The following GPR160 variants were observed in gnomAD, a reference collection of about 807,000 sequenced individuals.
GPR160 encodes the protein G protein-coupled receptor 160.
Under a neutral mutation model 2.6 loss-of-function variants are expected in GPR160, and 2 were observed. The observed-to-expected ratio is 0.77, with a 90% CI of 0.32 to 2.44. The LOEUF is 2.44. Ranked by LOEUF, GPR160 falls within the 30% of genes most tolerant of loss-of-function variation. The pLI, the probability that GPR160 is intolerant of heterozygous loss-of-function variation, is 0.11. For synonymous variants in GPR160, 130 were observed against 132.2 expected, an observed-to-expected ratio of 0.98 and a Z score of 0.12; for missense variants, 351 against 383.6, an observed-to-expected ratio of 0.91 and a Z score of 0.71.
At chr3:170,062,335 C>T (rs1712005480) in intron 2 of GPR160, 1 of 272,060 alleles carries the variant, frequency 3.7e-6, no homozygotes, top group Admixed American at 4.9e-5. Flanking sequence ...CAGAGGGGTC[C>T]AGGGAGGCGC....
At chr3:170,047,589 C>T (rs965859122) in intron 2 of GPR160, among the ~76,000 whole-genome samples, 3 of 152,032 alleles carry the variant, frequency 2.0e-5, no homozygotes, top group East Asian at 1.9e-4. Context: ...ATCAAAAAGA[C>T]ACCTGCATGC....
intron 2 of GPR160, among the ~76,000 whole-genome samples, chr3:170,047,513 A>G (rs2108311836): frequency 6.6e-6 from 1 of 152,296 alleles, no homozygotes; most frequent in South Asian, 2.1e-4. Flanking sequence ...TTTATAAACA[A>G]TTCATTTTAT....
At chr3:170,076,700 C>A (rs140248486) in intron 2 of GPR160, among the ~76,000 whole-genome samples, 2,619 of 152,082 alleles carry the variant, frequency 0.017, 76 homozygotes, top group East Asian at 0.094. Context: ...CCCGCCACCA[C>A]GCCTGGCTAA....
chr3:170,066,375 A>G (rs1712346474), intron 2 of GPR160, among the ~76,000 whole-genome samples: 1 of 151,664 alleles, frequency 6.6e-6, no homozygotes, highest in African/African-American at 2.4e-5. Flanking sequence ...TCCTGACCTC[A>G]TGATTCGCCC....
chr3:170,062,658 CCAAG>C, intron 2 of GPR160: 1 of 1,437,132 alleles, frequency 7.0e-7, no homozygotes, highest in Non-Finnish European at 9.7e-7. Flanking sequence ...GCAGCCATCG[CCAAG>C]CAAGCCTTGA....
At position 170,085,309 on chromosome 3, in the gene GPR160, A is replaced by C. The variant is rs567394442; in HGVS notation, c.*320A>C. On this transcript the variant is annotated 3_prime_UTR_variant, in exon 4 of 4. Coordinates refer to ENST00000355897, the MANE Select transcript of GPR160 (RefSeq NM_014373.3). The stretch of plus-strand genomic sequence containing the variant: ...GTTACTCAAAAAAACTACTGGATGC[A>C]AACTGTTATGTAAATCTGAGATTTC... 1 of 182,776 alleles carries C rather than the reference A, an allele frequency of 5.5e-6. No homozygotes were observed. The highest frequency in any genetic ancestry group is 1.3e-5 in the Non-Finnish European group (1 of 79,138). 11.3% of individuals were successfully genotyped at this position (182,776 alleles called of 1,614,324 possible). A position where few individuals can be genotyped will look rare whatever the true frequency, so the allele number is the denominator to read the frequency against.
At chr3:170,072,282 C>G (rs1712635196) in intron 2 of GPR160, among the ~76,000 whole-genome samples, 1 of 151,948 alleles carries the variant, frequency 6.6e-6, no homozygotes, top group African/African-American at 2.4e-5. Context: ...ACCAGTTTGG[C>G]CAGGCTTGTC....
At chr3:170,070,372 G>C (rs1463128618) in intron 2 of GPR160, among the ~76,000 whole-genome samples, 2 of 152,074 alleles carry the variant, frequency 1.3e-5, no homozygotes, top group Non-Finnish European at 2.9e-5. Flanking sequence ...AGGTTTGGTC[G>C]GGTTCTAATT....
chr3:170,064,370 A>G (rs1670022454), intron 2 of GPR160, among the ~76,000 whole-genome samples: 1 of 152,082 alleles, frequency 6.6e-6, no homozygotes, highest in Non-Finnish European at 1.5e-5. Flanking sequence ...CCAGCCTCAG[A>G]GAAAGGCGCC....
intron 2 of GPR160, among the ~76,000 whole-genome samples, chr3:170,074,503 A>G (rs947628663): frequency 2.6e-5 from 4 of 151,552 alleles, no homozygotes; most frequent in Admixed American, 1.3e-4. Context: ...TTTATTTGAG[A>G]CAGGGTCTTC....
At chr3:170,062,110 A>T (rs1711989627) in intron 2 of GPR160, 2 of 152,344 alleles carry the variant, frequency 1.3e-5, no homozygotes, top group Admixed American at 1.3e-4. Context: ...TGTGTCACTA[A>T]AAAGAAAATT....
chr3:170,069,664 C>T (rs1712498543), intron 2 of GPR160, among the ~76,000 whole-genome samples: 1 of 152,116 alleles, frequency 6.6e-6, no homozygotes, highest in Non-Finnish European at 1.5e-5. Flanking sequence ...GTCGATCCTG[C>T]CCCATCTATA....
chr3:170,063,260 G>A (rs1322011997), intron 2 of GPR160: 4 of 151,878 alleles, frequency 2.6e-5, no homozygotes, highest in East Asian at 1.9e-4. Flanking sequence ...CAGGCCAGGC[G>A]CGGTGGCTCA....
intron 2 of GPR160, among the ~76,000 whole-genome samples, chr3:170,051,910 T>C (rs1183412438): frequency 1.3e-5 from 2 of 152,166 alleles, no homozygotes; most frequent in African/African-American, 4.8e-5. Flanking sequence ...CTGAACCTTA[T>C]ACAAGTCTTG....
intron 2 of GPR160, chr3:170,077,906 G>T: frequency 6.0e-6 from 1 of 167,152 alleles, no homozygotes; most frequent in African/African-American, 2.4e-5. Flanking sequence ...GATCGCGACG[G>T]AACCCTCGAA....
intron 2 of GPR160, among the ~76,000 whole-genome samples, chr3:170,064,518 T>C (rs1450820470): frequency 1.1e-4 from 14 of 124,330 alleles, no homozygotes; most frequent in African/African-American, 1.8e-4. Flanking sequence ...TCTTTTCTTT[T>C]TTTTTTTTTT....
intron 2 of GPR160, among the ~76,000 whole-genome samples, chr3:170,057,057 A>G (rs1372307787): frequency 6.6e-6 from 1 of 152,242 alleles, no homozygotes; most frequent in African/African-American, 2.4e-5. Flanking sequence ...TACCGGAGCC[A>G]CAGGAGAGCA....
At chr3:170,044,253 G>A (rs1455264386) in intron 2 of GPR160, among the ~76,000 whole-genome samples, 2 of 150,096 alleles carry the variant, frequency 1.3e-5, no homozygotes, top group Non-Finnish European at 2.9e-5. Context: ...GAACTCAGGG[G>A]GCGGAGGTTG....
chr3:170,079,262 C>T (rs971877750), intron 2 of GPR160, among the ~76,000 whole-genome samples: 19 of 152,170 alleles, frequency 1.2e-4, no homozygotes, highest in Admixed American at 1.0e-3. Context: ...ATCCGTTGCT[C>T]GACTAGGGTC....
Sources: gnomAD v4.1 joint callset for allele counts (sites outside exome capture counted in the v4.1 genomes callset) on GRCh38, gnomAD v4.1.1 for gene constraint, MANE v1.5 for transcripts, NCBI Gene and HGNC (gene_info 2026-07-23, HGNC 2026-07-21) for gene names.